Variants in PAK6 observed in about 807,000 individuals in gnomAD.
PAK6 encodes the protein serine/threonine-protein kinase PAK 6.
A neutral mutation model predicts 60.8 loss-of-function variants in PAK6; 33 were observed. The ratio of observed to expected loss-of-function variants is 0.54; its 90% CI spans 0.41 to 0.73. The LOEUF (loss-of-function observed/expected upper bound fraction) is 0.73. Among genes scored for constraint, PAK6 ranks in the 30% least tolerant of loss-of-function variants. PAK6 has a pLI of 0.00. For missense variants in PAK6, 845 were observed against 904.1 expected (o/e 0.93, Z 0.84); for synonymous variants, 404 against 378.5 (o/e 1.07, Z -0.78).
intron 6 of PAK6, 51 bp from the exon 7 acceptor site, chr15:40,272,815 G>A (rs1443216279): frequency 6.3e-7 from 1 of 1,598,172 alleles, no homozygotes; most frequent in Non-Finnish European, 8.5e-7. Flanking sequence ...GCAGTGGGTG[G>A]CCATGCGTCT....
At chr15:40,273,244 G>A in intron 7 of PAK6, 102 bp from the exon 8 acceptor site, 2 of 1,389,136 alleles carry the variant, frequency 1.4e-6, no homozygotes, top group East Asian at 2.3e-5. Context: ...TTGCCTGGGA[G>A]CTGTGGGGCC....
At chr15:40,258,640 C>T (rs1362363005) in intron 3 of PAK6, 2 of 152,288 alleles carry the variant, frequency 1.3e-5, no homozygotes, top group Non-Finnish European at 1.5e-5. Flanking sequence ...GAACTGTCCA[C>T]CAGCTCCGCC....
chr15:40,265,899 G>C, exon 5 of PAK6: 1 of 1,583,602 alleles, frequency 6.3e-7, no homozygotes. Context: ...GCTGCTCAAC[G>C]ACATCCAGAA....
Position 40,269,814 on chromosome 15 carries a change from T to TGCA in PAK6, c.859-2394_859-2392dup, listed in dbSNP as rs956357091. On this transcript the variant is annotated intron_variant, in intron 5 of 10. Transcript: ENST00000560346. ...CTCCGCCCTGAGCCCAGCCAGCACC[T>TGCA]GCAGCAGCAGCAGCAGCACAGGGAC... 2.8e-4 allele frequency among the ~76,000 whole-genome samples: 43 copies of TGCA among 152,160 alleles called. No homozygotes were observed. The East Asian group carries it at 5.6e-3, about 20-fold the overall frequency.
chr15:40,252,608 GTTCC>G, intron 2 of PAK6: 5 of 1,349,518 alleles, frequency 3.7e-6, no homozygotes, highest in Non-Finnish European at 4.9e-6. Context: ...CCTCCTCGGC[GTTCC>G]CGCGCCGAGG....
exon 10 of PAK6, chr15:40,274,171 G>T: frequency 6.2e-7 from 1 of 1,614,082 alleles, no homozygotes; most frequent in South Asian, 1.1e-5. Context: ...GCATCATGGT[G>T]ATTGAGATGG....
intron 3 of PAK6, among the ~76,000 whole-genome samples, chr15:40,257,915 T>C (rs2038881863): frequency 6.6e-6 from 1 of 152,120 alleles, no homozygotes; most frequent in Admixed American, 6.5e-5. Flanking sequence ...CCACAAAACT[T>C]ACTCACCCCC....
intron 2 of PAK6, among the ~76,000 whole-genome samples, chr15:40,247,751 A>G (rs551801772): frequency 6.6e-6 from 1 of 152,174 alleles, no homozygotes; most frequent in South Asian, 2.1e-4. Context: ...AGACAGTGCT[A>G]CCCCCTGGCG....
At chr15:40,268,424 G>A (rs2039207386) in intron 5 of PAK6, among the ~76,000 whole-genome samples, 1 of 152,134 alleles carries the variant, frequency 6.6e-6, no homozygotes. Flanking sequence ...AATGTCACTC[G>A]AGCACACCCA....
Position 40,265,000 on chromosome 15 carries a change from C to T in PAK6, c.204+11C>T. ...CTCCAGCCCATGAAGGTAAGAGGGG[C>T]CGGCAGGGATGAGGTTCAGCCTCTC... On this transcript the variant is annotated intron_variant, in intron 4 of 10. Transcript: ENST00000560346. 1.2e-6 allele frequency: 2 copies of T among 1,610,584 alleles called. No individual in the cohort carries two copies. Among genetic ancestry groups the T allele is most frequent in the Non-Finnish European group, 1.7e-6 (2 of 1,178,406 alleles).
chr15:40,263,503 C>G (rs2039037063), intron 3 of PAK6, among the ~76,000 whole-genome samples: 1 of 152,068 alleles, frequency 6.6e-6, no homozygotes, highest in Non-Finnish European at 1.5e-5. Flanking sequence ...TCAGATCTAC[C>G]CATGCTATCC....
intron 2 of PAK6, among the ~76,000 whole-genome samples, chr15:40,244,202 G>A (rs1017192272): frequency 3.3e-5 from 5 of 151,458 alleles, no homozygotes; most frequent in East Asian, 2.0e-4. Context: ...GTGGTGGCGC[G>A]TGCCTGTAGT....
intron 3 of PAK6, among the ~76,000 whole-genome samples, chr15:40,263,116 G>C (rs985538108): frequency 4.6e-5 from 7 of 152,198 alleles, no homozygotes; most frequent in Non-Finnish European, 8.8e-5. Flanking sequence ...CAGGGTCCCT[G>C]CCTTTCTGCC....
chr15:40,248,378 G>A (rs2038555295), intron 2 of PAK6, among the ~76,000 whole-genome samples: 1 of 152,184 alleles, frequency 6.6e-6, no homozygotes, highest in Non-Finnish European at 1.5e-5. Flanking sequence ...TCCCAAGAGT[G>A]CCTCTCTCCC....
rs1169995737 is a variant in PAK6 at position 40,273,533 on chromosome 15, C to G, written c.1618-18C>G. ...CCACTTCCTCCTGATCCACCACTCA[C>G]TCCCTTTTCAACCGCAGGTGAAGCT... On this transcript the variant is annotated intron_variant, in intron 8 of 10. Transcript: ENST00000560346. 1 of 1,613,972 alleles carries G rather than the reference C, an allele frequency of 6.2e-7. No homozygotes were observed. The highest frequency in any genetic ancestry group is 1.7e-5 in the Admixed American group (1 of 60,016).
At chr15:40,239,188 G>A (rs2038246811), upstream of PAK6, 1 of 152,218 alleles carries the variant, frequency 6.6e-6, no homozygotes, top group Non-Finnish European at 1.5e-5. Context: ...GGGCCGCTGG[G>A]CCCTGATGGG....
chr15:40,272,719 G>A (rs745859307), exon 6 of PAK6: 35 of 1,585,418 alleles, frequency 2.2e-5, no homozygotes, highest in African/African-American at 4.0e-5. Context: ...GCTCTTCAAC[G>A]AGGTGGGAGG....
At chr15:40,241,037 G>T (rs2140935998) in intron 2 of PAK6, among the ~76,000 whole-genome samples, 1 of 152,266 alleles carries the variant, frequency 6.6e-6, no homozygotes, top group East Asian at 1.9e-4. Context: ...TATTTAGGGA[G>T]CACTGCTGGG....
At chr15:40,268,644 T>C (rs1231091699) in intron 5 of PAK6, among the ~76,000 whole-genome samples, 1 of 152,176 alleles carries the variant, frequency 6.6e-6, no homozygotes, top group Non-Finnish European at 1.5e-5. Flanking sequence ...CAGGAGGGTC[T>C]GAGTATAGAC....
Sources: gnomAD v4.1 joint callset for allele counts (sites outside exome capture counted in the v4.1 genomes callset) on GRCh38, gnomAD v4.1.1 for gene constraint, MANE v1.5 for transcripts, NCBI Gene and HGNC (gene_info 2026-07-23, HGNC 2026-07-21) for gene names.